CSMD1: variants seen among roughly 807,000 people sequenced by gnomAD.
CSMD1 encodes CUB and sushi domain-containing protein 1.
In CSMD1, 213 loss-of-function variants were observed where a neutral mutation model predicts 417.5. The observed-to-expected ratio is 0.51, with a 90% CI of 0.46 to 0.57. CSMD1 has a LOEUF of 0.57. Among genes scored for constraint, CSMD1 ranks in the 20% least tolerant of loss-of-function variants. CSMD1 has a pLI of 0.00. For synonymous variants in CSMD1, 2,862 were observed against 1,736.8 expected (o/e 1.65, Z -16.11); for missense variants, 6,923 against 4,529.7 (o/e 1.53, Z -15.17).
intron 1 of CSMD1, among the ~76,000 whole-genome samples, chr8:4,706,824 A>G (rs1807974210): frequency 6.6e-6 from 1 of 152,246 alleles, no homozygotes; most frequent in African/African-American, 2.4e-5. Flanking sequence ...AGATAAACAC[A>G]GTTGACCCGA....
At chr8:4,967,884 G>T (rs573077523) in intron 1 of CSMD1, among the ~76,000 whole-genome samples, 29 of 152,166 alleles carry the variant, frequency 1.9e-4, no homozygotes, top group African/African-American at 7.0e-4. Context: ...GACTCCTGCA[G>T]TACCATACCG....
chr8:4,880,108 G>A (rs1266545582), intron 1 of CSMD1, among the ~76,000 whole-genome samples: 1 of 151,900 alleles, frequency 6.6e-6, no homozygotes, highest in Non-Finnish European at 1.5e-5. Context: ...TTATTATTTC[G>A]GTCTAAGAAA....
At chr8:3,235,935 T>TTTTTTTTTTTTTTA (rs1799127758) in intron 26 of CSMD1, among the ~76,000 whole-genome samples, 1 of 148,610 alleles carries the variant, frequency 6.7e-6, no homozygotes, top group Non-Finnish European at 1.5e-5. Flanking sequence ...TTTTTTTTTT[T>TTTTTTTTTTTTTTA]GAGACAGAGT....
chr8:3,571,938 C>A (rs1400719327), intron 10 of CSMD1, among the ~76,000 whole-genome samples: 1 of 152,120 alleles, frequency 6.6e-6, no homozygotes, highest in Non-Finnish European at 1.5e-5. Context: ...GAAGTTACTG[C>A]GTGTTCAAGT....
intron 10 of CSMD1, among the ~76,000 whole-genome samples, chr8:3,497,783 A>C (rs754801774): frequency 6.6e-6 from 1 of 152,078 alleles, no homozygotes; most frequent in South Asian, 2.1e-4. Context: ...TGTTTTGCAC[A>C]TCCTCTATTC....
chr8:3,435,346 G>A (rs17066135), intron 12 of CSMD1, among the ~76,000 whole-genome samples: 16,968 of 152,158 alleles, frequency 0.11, 1,156 homozygotes, highest in East Asian at 0.28. Flanking sequence ...GATGCCCTGA[G>A]TGGTTCTTCT....
At chr8:3,640,392 T>G (rs1797249477) in intron 7 of CSMD1, among the ~76,000 whole-genome samples, 1 of 152,230 alleles carries the variant, frequency 6.6e-6, no homozygotes, top group African/African-American at 2.4e-5. Flanking sequence ...TTATATCTTC[T>G]CAAAACTATG....
At chr8:3,915,552 C>T (rs1392757250) in intron 5 of CSMD1, among the ~76,000 whole-genome samples, 2 of 151,330 alleles carry the variant, frequency 1.3e-5, no homozygotes, top group East Asian at 3.9e-4. Flanking sequence ...GCTTTAAACA[C>T]AAGGATGAAT....
chr8:3,585,421 G>A (rs921612531), intron 9 of CSMD1, among the ~76,000 whole-genome samples: 1 of 151,948 alleles, frequency 6.6e-6, no homozygotes. Flanking sequence ...TCATTTTATG[G>A]CCAAAATTCA....
chr8:4,604,442 G>A (rs1800764670), intron 2 of CSMD1, among the ~76,000 whole-genome samples: 1 of 148,676 alleles, frequency 6.7e-6, no homozygotes, highest in Admixed American at 6.8e-5. Context: ...TCTCCAGGAA[G>A]GAAGGATCAT....
intron 2 of CSMD1, among the ~76,000 whole-genome samples, chr8:4,440,286 C>T (rs532503195): frequency 6.6e-6 from 1 of 152,248 alleles, no homozygotes; most frequent in East Asian, 1.9e-4. Flanking sequence ...AGCATTGGTA[C>T]TATAACCAGA....
intron 3 of CSMD1, among the ~76,000 whole-genome samples, chr8:4,406,566 G>C (rs780160222): frequency 6.6e-6 from 1 of 152,070 alleles, no homozygotes; most frequent in Non-Finnish European, 1.5e-5. Flanking sequence ...GCCTTCTGTA[G>C]GCATATGAGC....
chr8:4,549,580 C>A (rs1427702941), intron 2 of CSMD1, among the ~76,000 whole-genome samples: 1 of 152,034 alleles, frequency 6.6e-6, no homozygotes, highest in Non-Finnish European at 1.5e-5. Flanking sequence ...GTGATGCTGG[C>A]ACTCTTGGAT....
intron 2 of CSMD1, among the ~76,000 whole-genome samples, chr8:4,426,275 C>G (rs7845678): frequency 0.025 from 3,735 of 151,498 alleles, 189 homozygotes; most frequent in African/African-American, 0.084. Context: ...ATTCCAATTT[C>G]TGTTCTAGAA....
chr8:3,243,017 T>C (rs1799644481), intron 26 of CSMD1, among the ~76,000 whole-genome samples: 1 of 151,942 alleles, frequency 6.6e-6, no homozygotes, highest in African/African-American at 2.4e-5. Context: ...GAGTTTTGAG[T>C]CCACGGATAA....
At chr8:4,675,703 G>T (rs746974644) in intron 1 of CSMD1, among the ~76,000 whole-genome samples, 2 of 152,098 alleles carry the variant, frequency 1.3e-5, no homozygotes, top group South Asian at 2.1e-4. Flanking sequence ...GTTATATTTG[G>T]TATTTTTTTT....
At chr8:4,671,967 C>T (rs181808071) in intron 1 of CSMD1, among the ~76,000 whole-genome samples, 1 of 152,264 alleles carries the variant, frequency 6.6e-6, no homozygotes, top group Admixed American at 6.5e-5. Context: ...CCGAGGTAGG[C>T]AGTGTTTTGC....
intron 10 of CSMD1, among the ~76,000 whole-genome samples, chr8:3,538,225 G>A (rs928847415): frequency 6.6e-6 from 1 of 152,224 alleles, no homozygotes; most frequent in Non-Finnish European, 1.5e-5. Flanking sequence ...AGCTGGAACT[G>A]AGTAGCAATG....
intron 49 of CSMD1, among the ~76,000 whole-genome samples, chr8:3,085,342 G>C (rs901552966): frequency 2.6e-5 from 4 of 152,228 alleles, no homozygotes; most frequent in Non-Finnish European, 5.9e-5. Flanking sequence ...AGTGTAGAAA[G>C]TCACAGATCT....
Sources: gnomAD v4.1 joint callset for allele counts (sites outside exome capture counted in the v4.1 genomes callset) on GRCh38, gnomAD v4.1.1 for gene constraint, MANE v1.5 for transcripts, NCBI Gene and HGNC (gene_info 2026-07-23, HGNC 2026-07-21) for gene names.